Variants in KYAT1 observed in about 807,000 individuals in gnomAD.
KYAT1 encodes the protein kynurenine--oxoglutarate transaminase 1.
A neutral mutation model predicts 52.4 loss-of-function variants in KYAT1; 47 were observed. The ratio of observed to expected loss-of-function variants is 0.90; its 90% CI spans 0.71 to 1.14. The LOEUF (loss-of-function observed/expected upper bound fraction) is 1.14. Among genes scored for constraint, KYAT1 ranks in the 50% most tolerant of loss-of-function variants. KYAT1 has a pLI of 0.00. For synonymous variants in KYAT1, 212 were observed against 209.6 expected, an observed-to-expected ratio of 1.01 and a Z score of -0.10; for missense variants, 480 against 557.9, an observed-to-expected ratio of 0.86 and a Z score of 1.41.
intron 1 of KYAT1, among the ~76,000 whole-genome samples, chr9:128,860,842 T>C (rs2130663921): frequency 6.6e-6 from 1 of 152,258 alleles, no homozygotes; most frequent in South Asian, 2.1e-4. Context: ...GGATTACAGT[T>C]GTGAGCCACT....
At chr9:128,875,250 T>G (rs942949160) in intron 1 of KYAT1, among the ~76,000 whole-genome samples, 2 of 133,772 alleles carry the variant, frequency 1.5e-5, no homozygotes, top group Admixed American at 1.5e-4. Flanking sequence ...TTTTTTTTGT[T>G]TTTTTTTTTT....
chr9:128,836,743 T>C, intron 7 of KYAT1, 59 bp downstream of exon 7: 1 of 1,584,166 alleles, frequency 6.3e-7, no homozygotes, highest in Non-Finnish European at 8.6e-7. Flanking sequence ...GACTCTCAGG[T>C]GGGGTCAAGG....
Position 128,852,166 on chromosome 9 carries a change from C to G in KYAT1, c.-6-6755G>C, listed in dbSNP as rs141002204. On this transcript the variant is annotated intron_variant, in intron 1 of 12. Coordinates refer to ENST00000302586, the MANE Select transcript of KYAT1 (RefSeq NM_004059.5). ...ACCCACTTTCTCTCTTTAGAATTCT[C>G]CTGTGTTTGTAATTCAGAAAAAATC... Among the ~76,000 whole-genome samples the G allele has an allele frequency of 1.2e-4, 18 of 152,260 alleles. No homozygotes were observed. The East Asian group carries it at 2.1e-3, about 18-fold the overall frequency.
Position 128,842,641 on chromosome 9 carries a change from T to C in KYAT1, c.201+13A>G, listed in dbSNP as rs529523707. 18 of 1,611,756 alleles carry C rather than the reference T, an allele frequency of 1.1e-5. 1 individual carries two copies. In the South Asian group the frequency reaches 1.9e-4, roughly 17 times the overall value. Reference sequence around the variant, plus strand: ...CCTCCCCCAGTGCCTCCACGAGAGATGGGGAGACTCACAAATGTCTTGGTG... The same window carrying C: ...CCTCCCCCAGTGCCTCCACGAGAGACGGGGAGACTCACAAATGTCTTGGTG... On this transcript the variant is annotated intron_variant, in intron 3 of 12. Coordinates refer to ENST00000302586, the MANE Select transcript of KYAT1 (RefSeq NM_004059.5).
At chr9:128,846,600 CAAAAA>C (rs57333664) in intron 1 of KYAT1, 3,765 of 416,494 alleles carry the variant, frequency 9.0e-3, no homozygotes, top group South Asian at 0.015. Flanking sequence ...AAGACTCTAC[CAAAAA>C]AAAAAAAAAA....
chr9:128,880,508 C>T (rs549715693), intron 1 of KYAT1, among the ~76,000 whole-genome samples: 69 of 151,820 alleles, frequency 4.5e-4, no homozygotes, highest in African/African-American at 1.5e-3. Flanking sequence ...GTGGCCCAAT[C>T]TCAGCTCACT....
At chr9:128,838,936 T>TTTTATTTATTTATTTA (rs71497421) in intron 3 of KYAT1, among the ~76,000 whole-genome samples, 40 of 143,546 alleles carry the variant, frequency 2.8e-4, no homozygotes, top group South Asian at 4.6e-4. Context: ...CGGGAGAGGC[T>TTTTATTTATTTATTTA]TTTATTTATT....
In KYAT1 at chr9:128,836,033, G is replaced by A; in HGVS notation, c.729C>T (p.Gly243=). The A allele has an allele frequency of 3.1e-6, 5 of 1,613,962 alleles. No individual in the cohort carries two copies. The highest frequency in any genetic ancestry group is 4.2e-6 in the Non-Finnish European group (5 of 1,179,866). The part of the protein sequence containing the change: ...PGMWERTLTI[G]SAGKTFSATG... ...TGGCGCTGAAGGTCTTGCCGGCGCT[G>A]CCGATGGTCAGGGTCCGTTCCCACA... The change falls in exon 8 of 13, where the codon GGC becomes GGT. Residue 243 remains glycine (G), a synonymous_variant. Transcript: ENST00000302586.
chr9:128,841,764 G>A (rs1304054464), intron 3 of KYAT1, among the ~76,000 whole-genome samples: 11 of 151,146 alleles, frequency 7.3e-5, no homozygotes, highest in Admixed American at 3.3e-4. Context: ...TTTGGAGGCC[G>A]AGGTGGCAGG....
Position 128,842,692 on chromosome 9 carries a change from T to C in KYAT1, c.163A>G (p.Ser55Gly). The change falls in exon 3 of 13, where the codon AGT becomes GGT. Residue 55 changes from serine (S) to glycine (G), a missense_variant. Physicochemically the swap from Ser to Gly is moderately conservative, Grantham distance 56 (BLOSUM62 0). Transcript: ENST00000302586. ...FAVEAFQHAVSGDFMLNQYTK... is the reference protein window; with the variant it reads ...FAVEAFQHAVGGDFMLNQYTK... ...TACTGGTTAAGCATGAAGTCTCCAC[T>C]GACAGCGTGCTGAAAGGCTTCCACG... 2 of 1,614,186 alleles carry C rather than the reference T, an allele frequency of 1.2e-6. No homozygotes were observed. Among genetic ancestry groups the C allele is most frequent in the Non-Finnish European group, 1.7e-6 (2 of 1,180,026 alleles).
intron 1 of KYAT1, among the ~76,000 whole-genome samples, chr9:128,865,346 TATATATATATATA>T (rs1253728313): frequency 1.5e-3 from 11 of 7,444 alleles, no homozygotes; most frequent in South Asian, 6.2e-3. Flanking sequence ...TATATATATA[TATATATATATATA>T]TTTTTTTTTT....
rs761696931 is a variant in KYAT1 at position 128,857,148 on chromosome 9, G to T, written c.-6-11737C>A. Reference sequence around the variant, plus strand: ...AAATCCGGCCTACGTGCACATGCAGGCATAGTACCTCCCCTTGAACTTAAT... The same window carrying T: ...AAATCCGGCCTACGTGCACATGCAGTCATAGTACCTCCCCTTGAACTTAAT... On this transcript the variant is annotated intron_variant, in intron 1 of 12. Transcript: ENST00000302586. Among the ~76,000 whole-genome samples the T allele has an allele frequency of 5.4e-4, 82 of 152,298 alleles. No homozygotes were observed. The Middle Eastern group carries it at 0.01, about 19-fold the overall frequency.
Position 128,861,627 on chromosome 9 carries a change from C to T in KYAT1, c.-6-16216G>A, listed in dbSNP as rs556921249. Among the ~76,000 whole-genome samples, 6 of 152,316 alleles carry T rather than the reference C, an allele frequency of 3.9e-5. No homozygotes were observed. The South Asian group carries it at 8.3e-4, about 21-fold the overall frequency. On this transcript the variant is annotated intron_variant, in intron 1 of 12. Coordinates refer to ENST00000302586, the MANE Select transcript of KYAT1 (RefSeq NM_004059.5). ...TCCCAGGAGAGGCCTGAAGTATGTA[C>T]TCTGACCCCTGAAACTAAGTACCTG... is the stretch of plus-strand genomic sequence containing the variant.
At chr9:128,874,211 A>G (rs1159636813) in intron 1 of KYAT1, among the ~76,000 whole-genome samples, 1 of 150,752 alleles carries the variant, frequency 6.6e-6, no homozygotes, top group East Asian at 2.0e-4. Flanking sequence ...AGCCGAGATC[A>G]CGCCACTGCG....
intron 1 of KYAT1, among the ~76,000 whole-genome samples, chr9:128,874,116 C>T (rs1033170989): frequency 6.6e-6 from 1 of 151,184 alleles, no homozygotes; most frequent in Non-Finnish European, 1.5e-5. Context: ...ATTAGCCAGG[C>T]GTGGTGGCGG....
chr9:128,839,068 A>G (rs1198849011), intron 3 of KYAT1, among the ~76,000 whole-genome samples: 1 of 151,800 alleles, frequency 6.6e-6, no homozygotes, highest in Non-Finnish European at 1.5e-5. Flanking sequence ...GGTTCAAGTG[A>G]TTCTCCTGCC....
intron 3 of KYAT1, among the ~76,000 whole-genome samples, chr9:128,839,587 T>C (rs942847397): frequency 2.8e-4 from 42 of 152,156 alleles, no homozygotes; most frequent in African/African-American, 1.0e-3. Flanking sequence ...ATCGCGCCAC[T>C]GCACTCCAGC....
At chr9:128,851,031 C>T (rs893876986) in intron 1 of KYAT1, among the ~76,000 whole-genome samples, 4 of 152,174 alleles carry the variant, frequency 2.6e-5, no homozygotes, top group African/African-American at 9.7e-5. Context: ...CTGCATTCCT[C>T]TTGCTGAGAT....
intron 1 of KYAT1, among the ~76,000 whole-genome samples, chr9:128,870,241 C>T (rs1169718480): frequency 6.6e-6 from 1 of 152,088 alleles, no homozygotes; most frequent in Admixed American, 6.6e-5. Context: ...AATTGTCCAT[C>T]AATGGATGAA....
Sources: gnomAD v4.1 joint callset for allele counts (sites outside exome capture counted in the v4.1 genomes callset) on GRCh38, gnomAD v4.1.1 for gene constraint, MANE v1.5 for transcripts, NCBI Gene and HGNC (gene_info 2026-07-23, HGNC 2026-07-21) for gene names.